NDUFV3: variants seen among roughly 807,000 people sequenced by gnomAD.
NDUFV3 encodes the protein NADH:ubiquinone oxidoreductase subunit V3, also known as NADH dehydrogenase [ubiquinone] flavoprotein 3, mitochondrial.
In NDUFV3, 44 loss-of-function variants were observed where a neutral mutation model predicts 37.5. The observed-to-expected ratio is 1.17, with a 90% confidence interval of 0.92 to 1.51. The LOEUF (loss-of-function observed/expected upper bound fraction) is 1.51, where lower values mean the gene tolerates loss of function less well. Ranked by LOEUF, NDUFV3 falls within the 40% of genes most tolerant of loss-of-function variation. The probability of loss-of-function intolerance (pLI) is 0.00; values close to 1 mark genes in which losing one functional copy is unlikely to be tolerated. For synonymous variants in NDUFV3, 235 were observed against 239.3 expected, an observed-to-expected ratio of 0.98 and a Z score of 0.17; for missense variants, 580 against 580.4, an observed-to-expected ratio of 1.00 and a Z score of 0.01.
In NDUFV3 at chr21:42,912,719, C is replaced by T. The variant is rs922927177; in HGVS notation, c.*3698C>T. ...CATCCTGGATAACACGGTGAAACCC[C>T]GTCTCTATTAAAAATACAAAAAATT... On this transcript the variant is annotated 3_prime_UTR_variant, in exon 4 of 4. Coordinates refer to ENST00000354250, the MANE Select transcript of NDUFV3 (RefSeq NM_021075.4). 80 of 152,050 alleles carry T rather than the reference C, an allele frequency of 5.3e-4. No homozygotes were observed. The highest frequency in any genetic ancestry group is 1.5e-3 in the African/African-American group (61 of 41,422). 9.4% of individuals were successfully genotyped at this position (152,050 alleles called of 1,614,324 possible).
rs1450536314 is a variant in NDUFV3, at chr21:42,903,674, C to T, written c.662C>T (p.Pro221Leu). The change falls in exon 3 of 4, where the codon CCA becomes CTA. Residue 221 changes from proline to leucine, a missense_variant. Physicochemically the swap from Pro to Leu is moderately conservative, Grantham distance 98. Transcript: ENST00000354250. ...AAGCCGCATGTGGACATTACTGATC[C>T]AGAGAAGCCCCACCAGCCAAAGAAG... ...LQKPHVDITD[P>L]EKPHQPKKKG... 6.2e-7 allele frequency: 1 copy of T among 1,614,064 alleles called. No homozygotes were observed. Among genetic ancestry groups the T allele is most frequent in the East Asian group, 2.2e-5 (1 of 44,880 alleles).
In NDUFV3 at chr21:42,909,090, C is replaced by T; in HGVS notation, c.*69C>T. 1.3e-6 allele frequency: 2 copies of T among 1,521,510 alleles called. No homozygotes were observed. The highest frequency in any genetic ancestry group is 2.2e-5 in the South Asian group (2 of 89,260). The allele number at this position is 1,521,510 out of a possible 1,614,324, so 94.3% of individuals were successfully genotyped here. ...TCCTGGAGTGCAAAAATAAAATCCACTCAAGAGTCACAAGGCCCGCTGTGC... is the reference window on the plus strand; with the variant it reads ...TCCTGGAGTGCAAAAATAAAATCCATTCAAGAGTCACAAGGCCCGCTGTGC... On this transcript the variant is annotated 3_prime_UTR_variant, in exon 4 of 4. Coordinates refer to ENST00000354250, the MANE Select transcript of NDUFV3 (RefSeq NM_021075.4).
At position 42,899,744 on chromosome 21, in the gene NDUFV3, A is replaced by T. The variant is rs191978785; in HGVS notation, c.169+2697A>T. 1.9e-3 allele frequency among the ~76,000 whole-genome samples: 288 copies of T among 151,864 alleles called. 3 individuals are homozygous for T. Among genetic ancestry groups the T allele is most frequent in the Non-Finnish European group, 1.9e-4 (13 of 67,940 alleles). On this transcript the variant is annotated intron_variant, in intron 2 of 3. Coordinates refer to ENST00000354250, the MANE Select transcript of NDUFV3 (RefSeq NM_021075.4). ...AGGCGTGAGCCACTGCACCCAGCCAATTTTTTGTATTTTTTAGTAGAGACA... is the reference window on the plus strand; with the variant it reads ...AGGCGTGAGCCACTGCACCCAGCCATTTTTTTGTATTTTTTAGTAGAGACA...
At chr21:42,900,950 C>T (rs951985569) in intron 2 of NDUFV3, among the ~76,000 whole-genome samples, 1 of 152,152 alleles carries the variant, frequency 6.6e-6, no homozygotes, top group African/African-American at 2.4e-5. Flanking sequence ...TTCCTTGAAT[C>T]CAGTACCCAG....
chr21:42,894,012 T>A (rs1051989034), intron 1 of NDUFV3, among the ~76,000 whole-genome samples: 22 of 151,918 alleles, frequency 1.4e-4, no homozygotes, highest in African/African-American at 5.3e-4. Context: ...GTTCAGGAGT[T>A]CGAGACTAGC....
intron 2 of NDUFV3, among the ~76,000 whole-genome samples, chr21:42,902,765 A>T (rs2058722314): frequency 6.6e-6 from 1 of 152,118 alleles, no homozygotes; most frequent in Admixed American, 6.6e-5. Context: ...TCTGAGGGGA[A>T]TTGGTTCTAG....
In NDUFV3 at chr21:42,909,377, G is replaced by A. The variant is rs981281408; in HGVS notation, c.*356G>A. 8 of 329,766 alleles carry A rather than the reference G, an allele frequency of 2.4e-5. No individual in the cohort carries two copies. The highest frequency in any genetic ancestry group is 1.7e-4 in the African/African-American group (8 of 46,248). The allele number at this position is 329,766 out of a possible 1,614,324, so 20.4% of individuals were successfully genotyped here. On this transcript the variant is annotated 3_prime_UTR_variant, in exon 4 of 4. Transcript: ENST00000354250. ...GGCTGGTCTCGAACTCCTGACCTCA[G>A]ATGGTCTGCCCACCTCCGCCTCCCA...
Position 42,911,140 on chromosome 21 carries a change from G to C in NDUFV3, c.*2119G>C, listed in dbSNP as rs549988761. The stretch of plus-strand genomic sequence containing the variant: ...TGCCTGTAATCCCAGCTATTCAAGA[G>C]GCTGAGGCAGGAGAATCGCTTGAAC... On this transcript the variant is annotated 3_prime_UTR_variant, in exon 4 of 4. Coordinates refer to ENST00000354250, the MANE Select transcript of NDUFV3 (RefSeq NM_021075.4). 2.0e-5 allele frequency: 3 copies of C among 152,316 alleles called. No individual in the cohort carries two copies. Among genetic ancestry groups the C allele is most frequent in the Non-Finnish European group, 2.9e-5 (2 of 68,068 alleles). 9.4% of individuals were successfully genotyped at this position (152,316 alleles called of 1,614,324 possible).
intron 3 of NDUFV3, among the ~76,000 whole-genome samples, chr21:42,904,703 C>T (rs991604457): frequency 1.3e-5 from 2 of 151,712 alleles, no homozygotes; most frequent in Non-Finnish European, 2.9e-5. Flanking sequence ...CCAGGCTGGC[C>T]TCGAACTCCT....
chr21:42,903,229 G>A lies in NDUFV3; in HGVS notation c.217G>A (p.Ala73Thr). The change falls in exon 3 of 4, where the codon GCA becomes ACA. Residue 73 changes from alanine (A) to threonine (T), a missense_variant. By Grantham distance (58) the Ala-to-Thr change is moderately conservative. Coordinates refer to ENST00000354250, the MANE Select transcript of NDUFV3 (RefSeq NM_021075.4). ...GGGCAAGCTCCTAGCCACCCAGACAGCAGCTGAATTGTCTAAAAACTTATC... is the reference window on the plus strand; with the variant it reads ...GGGCAAGCTCCTAGCCACCCAGACAACAGCTGAATTGTCTAAAAACTTATC... ...ERGKLLATQT[A>T]AELSKNLSSP... The A allele has an allele frequency of 6.2e-7, 1 of 1,614,182 alleles. No homozygotes were observed. Among genetic ancestry groups the A allele is most frequent in the Non-Finnish European group, 8.5e-7 (1 of 1,180,036 alleles).
chr21:42,895,408 C>T (rs780092337), intron 1 of NDUFV3, among the ~76,000 whole-genome samples: 4 of 152,174 alleles, frequency 2.6e-5, no homozygotes, highest in East Asian at 3.9e-4. Flanking sequence ...CTTGAACCCA[C>T]GAGGCGGAGA....
Position 42,895,209 on chromosome 21 carries a change from G to A in NDUFV3, c.49-1718G>A, listed in dbSNP as rs372103289. On this transcript the variant is annotated intron_variant, in intron 1 of 3. Transcript: ENST00000354250. ...ACTAAAAATACAAGAAGAGCCAAGC[G>A]CGGTAGCTCACACCTGTAATGCCAG... Among the ~76,000 whole-genome samples the A allele has an allele frequency of 1.9e-4, 29 of 152,012 alleles. 1 individual carries two copies. In the South Asian group the frequency reaches 2.1e-3, roughly 11 times the overall value.
rs1323060070 is a variant in NDUFV3 at position 42,894,367 on chromosome 21, T to TAA, written c.48+987_48+988insAA. Among the ~76,000 whole-genome samples the TAA allele has an allele frequency of 2.2e-3, 92 of 41,062 alleles. 15 individuals carry two copies. In the African/African-American group the frequency reaches 0.029, roughly 13 times the overall value. The allele number at this position is 41,062 out of a possible 152,430, so 26.9% of individuals were successfully genotyped here. A position where few individuals can be genotyped will look rare whatever the true frequency, so the allele number is the denominator to read the frequency against. The stretch of plus-strand genomic sequence containing the variant: ...ATTATATATAAATATATATTATATA[T>TAA]ATATTTATATAATATGTAAATATAT... On this transcript the variant is annotated intron_variant, in intron 1 of 3. Transcript: ENST00000354250.
chr21:42,905,421 C>G (rs989593020), intron 3 of NDUFV3, among the ~76,000 whole-genome samples: 2 of 152,186 alleles, frequency 1.3e-5, no homozygotes, highest in Non-Finnish European at 2.9e-5. Flanking sequence ...GCATCCTTTC[C>G]CCTGGACAGC....
In NDUFV3 at chr21:42,903,909, G is replaced by A; in HGVS notation, c.897G>A (p.Leu299=). 1.2e-6 allele frequency: 2 copies of A among 1,611,710 alleles called. No homozygotes were observed. Among genetic ancestry groups the A allele is most frequent in the Non-Finnish European group, 1.7e-6 (2 of 1,178,878 alleles). ...GPLPVHTKSG[L]SAPPKGSPAP... is the part of the protein sequence containing the mutation. ...TACCTGTCCACACAAAATCAGGGTT[G>A]TCTGCGCCACCGAAGGGCAGCCCAG... Residue 299 remains leucine (L), a synonymous_variant, in exon 3 of 4, where the codon TTG becomes TTA. Transcript: ENST00000354250.
intron 2 of NDUFV3, among the ~76,000 whole-genome samples, chr21:42,899,484 C>T (rs943333023): frequency 6.6e-6 from 1 of 151,490 alleles, no homozygotes. Context: ...CTCACTCTGT[C>T]GCCAGGCTAG....
At chr21:42,894,426 TAA>T (rs59557709) in intron 1 of NDUFV3, among the ~76,000 whole-genome samples, 2 of 39,370 alleles carry the variant, frequency 5.1e-5, no homozygotes, top group African/African-American at 2.3e-4. Context: ...ATATATTATA[TAA>T]ATATATATTA....
chr21:42,905,686 T>C (rs1271354775), intron 3 of NDUFV3, among the ~76,000 whole-genome samples: 1 of 151,912 alleles, frequency 6.6e-6, no homozygotes, highest in African/African-American at 2.4e-5. Flanking sequence ...CGGCTAATTT[T>C]TGTATTTTTA....
intron 3 of NDUFV3, 146 bp downstream of exon 3, chr21:42,904,422 C>T (rs1601223053): frequency 9.5e-7 from 1 of 1,049,798 alleles, no homozygotes; most frequent in Non-Finnish European, 1.4e-6. Flanking sequence ...CTCAGCCAGG[C>T]AGAAAAGTAT....
Sources: gnomAD v4.1 joint callset for allele counts (sites outside exome capture counted in the v4.1 genomes callset) on GRCh38, gnomAD v4.1.1 for gene constraint, MANE v1.5 for transcripts, NCBI Gene and HGNC (gene_info 2026-07-23, HGNC 2026-07-21) for gene names.